Variants in ANO4 observed in about 807,000 individuals in gnomAD.
The protein encoded by ANO4 is anoctamin-4.
ANO4 carries 69 observed loss-of-function variants against 141.9 expected under a neutral mutation model. The observed-to-expected ratio is 0.49, with a 90% CI of 0.40 to 0.59. ANO4 has a LOEUF of 0.59. Ranked by LOEUF, ANO4 falls within the 20% of genes least tolerant of loss-of-function variation. The pLI is 0.00. For synonymous variants in ANO4, 350 were observed against 394.3 expected (o/e 0.89, Z 1.33); for missense variants, 894 against 1,162.2 (o/e 0.77, Z 3.36).
At chr12:101,079,591 A>G (rs1456759893) in intron 15 of ANO4, among the ~76,000 whole-genome samples, 1 of 152,060 alleles carries the variant, frequency 6.6e-6, no homozygotes, top group Non-Finnish European at 1.5e-5. Context: ...TAACTTCAGC[A>G]GAAAAAGAGC....
At chr12:100,732,134 T>A (rs947757191) in intron 1 of ANO4, among the ~76,000 whole-genome samples, 3 of 152,244 alleles carry the variant, frequency 2.0e-5, no homozygotes, top group African/African-American at 7.2e-5. Flanking sequence ...GATGGTATGG[T>A]AAGAGTATGT....
intron 3 of ANO4, among the ~76,000 whole-genome samples, chr12:100,780,492 G>T (rs1366276147): frequency 6.6e-6 from 1 of 152,164 alleles, no homozygotes; most frequent in Non-Finnish European, 1.5e-5. Flanking sequence ...GTCTGGGAAA[G>T]GATTAGGTAG....
chr12:100,859,216 C>T (rs927013347), intron 1 of ANO4: 1 of 152,124 alleles, frequency 6.6e-6, no homozygotes, highest in Non-Finnish European at 1.5e-5. Context: ...GGCCATATGA[C>T]TTGACTTGTT....
intron 9 of ANO4, among the ~76,000 whole-genome samples, chr12:101,032,112 C>T (rs903687597): frequency 1.3e-5 from 2 of 152,012 alleles, no homozygotes. Flanking sequence ...CAAAGAAGAC[C>T]GCATACAGCC....
In ANO4 at chr12:100,939,378, A is replaced by G. The variant is rs762725698; in HGVS notation, c.224A>G (p.Asp75Gly). ...GCTGTCAGCAGTCCTTGCAAAGATG[A>G]CGATTCTCTTCTTCACCCTGGAAAC... The part of the protein sequence containing the change: ...LEAVSSPCKD[D>G]DSLLHPGNLT... Residue 75 changes from aspartate (D) to glycine (G), a missense_variant, in exon 4 of 28, where the codon GAC becomes GGC. Asp to Gly is a moderately conservative substitution (Grantham distance 94). Around this residue, in one of 2 missense-constraint regions of ANO4, gnomAD observed 257 missense variants for 253.0 expected, o/e 1.02. Coordinates refer to ENST00000392977, the MANE Select transcript of ANO4 (RefSeq NM_001286615.2). 2.5e-6 allele frequency: 4 copies of G among 1,613,804 alleles called. No homozygotes were observed. In the South Asian group the frequency reaches 4.4e-5, roughly 18 times the overall value.
At position 101,060,706 on chromosome 12, in the gene ANO4, C is replaced by CT. The variant is rs971042483; in HGVS notation, c.1312+12314dup. On this transcript the variant is annotated intron_variant, in intron 14 of 27. Coordinates refer to ENST00000392977, the MANE Select transcript of ANO4 (RefSeq NM_001286615.2). ...TCAGAGACTATGATTGCAATCCTTG[C>CT]TTTTTTTTTCTTTCCATTTGCTTGG... 1.6e-3 allele frequency among the ~76,000 whole-genome samples: 241 copies of CT among 151,364 alleles called. 1 individual carries two copies. The highest frequency in any genetic ancestry group is 5.2e-3 in the African/African-American group (216 of 41,220).
intron 5 of ANO4, among the ~76,000 whole-genome samples, chr12:100,953,390 A>T (rs1007724833): frequency 1.3e-5 from 2 of 152,228 alleles, no homozygotes; most frequent in Admixed American, 6.5e-5. Context: ...GATGAAGTGT[A>T]AGCTGAGTAT....
chr12:100,906,677 G>C (rs187398446), intron 2 of ANO4, among the ~76,000 whole-genome samples: 2 of 152,220 alleles, frequency 1.3e-5, no homozygotes, highest in African/African-American at 2.4e-5. Context: ...ACTTTACTGA[G>C]AAATAAGGGA....
intron 3 of ANO4, among the ~76,000 whole-genome samples, chr12:100,777,040 A>G (rs990960626): frequency 2.0e-5 from 3 of 152,012 alleles, no homozygotes; most frequent in Admixed American, 6.6e-5. Flanking sequence ...GCTAAGGAAG[A>G]TGAAGAAAAG....
intron 1 of ANO4, among the ~76,000 whole-genome samples, chr12:100,857,011 GT>G (rs1319010031): frequency 6.6e-6 from 1 of 152,106 alleles, no homozygotes; most frequent in African/African-American, 2.4e-5. Flanking sequence ...TAGTTAGTGA[GT>G]TTATCAAGAT....
chr12:100,877,591 A>G (rs1406825152), intron 1 of ANO4, among the ~76,000 whole-genome samples: 1 of 151,938 alleles, frequency 6.6e-6, no homozygotes, highest in East Asian at 1.9e-4. Flanking sequence ...GAGTAACTTC[A>G]GAGAACTGAA....
At chr12:100,842,912 A>C (rs187181626) in intron 1 of ANO4, among the ~76,000 whole-genome samples, 1 of 152,256 alleles carries the variant, frequency 6.6e-6, no homozygotes, top group East Asian at 1.9e-4. Context: ...GAGGGGACAC[A>C]AACTTTCAAA....
At chr12:100,751,527 T>G (rs1336885750) in intron 3 of ANO4, among the ~76,000 whole-genome samples, 1 of 152,148 alleles carries the variant, frequency 6.6e-6, no homozygotes, top group East Asian at 1.9e-4. Flanking sequence ...TTTGTCTTTT[T>G]CAGGCAAATA....
chr12:101,076,028 G>T (rs58227269), intron 14 of ANO4, among the ~76,000 whole-genome samples: 1 of 152,144 alleles, frequency 6.6e-6, no homozygotes, highest in East Asian at 1.9e-4. Context: ...CAAGGGAATG[G>T]CAGTTGCACA....
intron 16 of ANO4, among the ~76,000 whole-genome samples, chr12:101,085,414 C>T (rs1039391076): frequency 9.2e-5 from 14 of 152,224 alleles, no homozygotes; most frequent in African/African-American, 3.4e-4. Context: ...TGAACATGTA[C>T]AGCTACATGT....
chr12:100,928,226 A>G (rs767364733), intron 3 of ANO4, among the ~76,000 whole-genome samples: 12 of 152,158 alleles, frequency 7.9e-5, no homozygotes, highest in East Asian at 1.9e-4. Context: ...TTGTCTGGCA[A>G]TTTTGTGGCT....
chr12:100,922,031 T>C (rs1464791361), intron 2 of ANO4, among the ~76,000 whole-genome samples, 195 bp from the exon 3 acceptor site: 2 of 152,164 alleles, frequency 1.3e-5, no homozygotes, highest in Non-Finnish European at 1.5e-5. Flanking sequence ...GTGAACCTTT[T>C]TGGTCCCATA....
chr12:100,831,288 G>A (rs1052915369), intron 1 of ANO4, among the ~76,000 whole-genome samples: 1 of 152,084 alleles, frequency 6.6e-6, no homozygotes, highest in Non-Finnish European at 1.5e-5. Context: ...TGCGTATTGT[G>A]CATTTAAGAA....
chr12:100,718,864 A>G (rs934038174), intron 1 of ANO4, among the ~76,000 whole-genome samples: 3 of 152,220 alleles, frequency 2.0e-5, no homozygotes, highest in South Asian at 2.1e-4. Context: ...AGGCATATTC[A>G]TTGGCAAAAC....
Sources: allele counts gnomAD v4.1 joint callset (sites outside exome capture counted in the v4.1 genomes callset), GRCh38; gene constraint gnomAD v4.1.1; regional missense constraint gnomAD v4.1.1; transcripts MANE v1.5; gene names NCBI Gene and HGNC (gene_info 2026-07-23, HGNC 2026-07-21).